Variants in TSPAN33 observed in about 807,000 individuals in gnomAD.
TSPAN33 encodes the protein tetraspanin-33.
A neutral mutation model predicts 34.8 loss-of-function variants in TSPAN33; 27 were observed. The ratio of observed to expected loss-of-function variants is 0.78; its 90% CI spans 0.57 to 1.07. The LOEUF is 1.07. Ranked by LOEUF, TSPAN33 falls within the 50% of genes least tolerant of loss-of-function variation. The pLI is 0.00. For missense variants in TSPAN33, 272 were observed against 324.9 expected, an observed-to-expected ratio of 0.84 and a Z score of 1.25; for synonymous variants, 119 against 124.2, an observed-to-expected ratio of 0.96 and a Z score of 0.28.
At chr7:129,162,096 G>A (rs1793063270) in intron 2 of TSPAN33, among the ~76,000 whole-genome samples, 1 of 152,252 alleles carries the variant, frequency 6.6e-6, no homozygotes, top group African/African-American at 2.4e-5. Context: ...AACAGAATCT[G>A]CAAAGCTGGT....
intron 1 of TSPAN33, among the ~76,000 whole-genome samples, chr7:129,149,915 C>T (rs565550479): frequency 1.3e-5 from 2 of 152,316 alleles, no homozygotes; most frequent in East Asian, 1.9e-4. Flanking sequence ...GTGAAGGTCA[C>T]GGGCAGGGAG....
Position 129,144,879 on chromosome 7 carries a change from CT to C in TSPAN33, c.-101del, listed in dbSNP as rs2150618214. ...GCAGGCTCCCCCGCCGGCCGGGCTCCTGCGCGGCGCGGCTCGGCTCATGCCC... is the reference window on the plus strand; with the variant it reads ...GCAGGCTCCCCCGCCGGCCGGGCTCCGCGCGGCGCGGCTCGGCTCATGCCC... On this transcript the variant is annotated 5_prime_UTR_variant, in exon 1 of 8. Coordinates refer to ENST00000486685, the MANE Select transcript of TSPAN33 (RefSeq NM_178562.5). 1 of 173,228 alleles carries C rather than the reference CT, an allele frequency of 5.8e-6. No individual in the cohort carries two copies. Among genetic ancestry groups the C allele is most frequent in the South Asian group, 1.9e-4 (1 of 5,306 alleles). 10.7% of individuals were successfully genotyped at this position (173,228 alleles called of 1,614,324 possible). A position where few individuals can be genotyped will look rare whatever the true frequency, so the allele number is the denominator to read the frequency against.
chr7:129,148,248 C>T lies in TSPAN33; in HGVS notation c.102+3166C>T, dbSNP rs866771499. Among the ~76,000 whole-genome samples, 3 of 152,216 alleles carry T rather than the reference C, an allele frequency of 2.0e-5. No individual in the cohort carries two copies. Among genetic ancestry groups the T allele is most frequent in the African/African-American group, 7.2e-5 (3 of 41,458 alleles). On this transcript the variant is annotated intron_variant, in intron 1 of 7. Coordinates refer to ENST00000486685, the MANE Select transcript of TSPAN33 (RefSeq NM_178562.5). This position sits in a 1 kb window ranked among gnomAD's most constrained non-coding sequence, Gnocchi z 4.2. ...TCAGGCAGAGCCCAGAAGCTCAGAC[C>T]TCCAGCCCCTGTGTCTCAGCCCAGG...
At position 129,167,330 on chromosome 7, in the gene TSPAN33, T is replaced by G; in HGVS notation, c.589-69T>G. 6.5e-7 allele frequency: 1 copy of G among 1,534,638 alleles called. No homozygotes were observed. The highest frequency in any genetic ancestry group is 2.3e-5 in the East Asian group (1 of 44,002). ...GAGTTTGGGAAGGGTGGGAAGCCCA[T>G]CAGCTAAGGCCCCAAACAAAAAGTT... On this transcript the variant is annotated intron_variant, in intron 6 of 7. Transcript: ENST00000486685. This position sits in a 1 kb window ranked among gnomAD's most constrained non-coding sequence, Gnocchi z 4.6.
chr7:129,161,868 G>C, intron 2 of TSPAN33, 132 bp downstream of exon 2: 5 of 1,081,972 alleles, frequency 4.6e-6, no homozygotes, highest in Non-Finnish European at 5.4e-6. Flanking sequence ...AATCTTCATG[G>C]TCTACGTAGG....
chr7:129,156,730 T>G (rs1364982495), intron 1 of TSPAN33, among the ~76,000 whole-genome samples: 1 of 152,206 alleles, frequency 6.6e-6, no homozygotes, highest in Non-Finnish European at 1.5e-5. Context: ...TGTTTCTTCG[T>G]GAGCATTTCC....
In TSPAN33 at chr7:129,162,431, C is replaced by A; in HGVS notation, c.198C>A (p.Ile66=). The A allele has an allele frequency of 6.2e-7, 1 of 1,613,926 alleles. No individual in the cohort carries two copies. Among genetic ancestry groups the A allele is most frequent in the Non-Finnish European group, 8.5e-7 (1 of 1,180,042 alleles). Residue 66 remains isoleucine, a synonymous_variant, in exon 3 of 8, where the codon ATC becomes ATA. Coordinates refer to ENST00000486685, the MANE Select transcript of TSPAN33 (RefSeq NM_178562.5). ...ALACLAVDPA[I]LLIVVGVLMF... ...CCTGCCTGGCAGTGGACCCTGCCAT[C>A]CTGCTGATCGTGGTGGGTGTCCTCA...
At chr7:129,166,722 G>A in intron 5 of TSPAN33, 56 bp from the exon 6 acceptor site, 2 of 1,596,106 alleles carry the variant, frequency 1.3e-6, no homozygotes, top group Non-Finnish European at 1.7e-6. Context: ...GAATTCCCCT[G>A]GTCACCTCAG....
At position 129,167,374 on chromosome 7, in the gene TSPAN33, A is replaced by T. The variant is rs769424327; in HGVS notation, c.589-25A>T. The T allele has an allele frequency of 6.3e-7, 1 of 1,599,916 alleles. No homozygotes were observed. On this transcript the variant is annotated intron_variant, in intron 6 of 7. Coordinates refer to ENST00000486685, the MANE Select transcript of TSPAN33 (RefSeq NM_178562.5). The surrounding 1 kb of genome is among the most constrained non-coding windows in gnomAD (Gnocchi z 4.6). ...AAAAGTTATTGGAATTACAGTCCCAATTGGCTTTTCAACTCTTTCCCCAGG... is the reference window on the plus strand; with the variant it reads ...AAAAGTTATTGGAATTACAGTCCCATTTGGCTTTTCAACTCTTTCCCCAGG...
chr7:129,146,778 A>C (rs60107606), intron 1 of TSPAN33, among the ~76,000 whole-genome samples: 14,367 of 152,172 alleles, frequency 0.094, 770 homozygotes, highest in East Asian at 0.13. Context: ...CAGTGACGTG[A>C]CATCCTCGGA....
intron 1 of TSPAN33, among the ~76,000 whole-genome samples, chr7:129,159,407 C>A (rs1430961702): frequency 3.3e-5 from 5 of 152,284 alleles, no homozygotes; most frequent in Admixed American, 6.5e-5. Flanking sequence ...AGGTTGATTC[C>A]ATGCCTTTGC....
At chr7:129,152,070 C>CA (rs1184098406) in intron 1 of TSPAN33, among the ~76,000 whole-genome samples, 1 of 152,040 alleles carries the variant, frequency 6.6e-6, no homozygotes, top group African/African-American at 2.4e-5. Context: ...TGTCAGTGTC[C>CA]AAAAAAATGT....
rs1393981177 is a variant in TSPAN33 at position 129,162,309 on chromosome 7, A to C, written c.161-85A>C. The C allele has an allele frequency of 5.7e-6, 9 of 1,573,534 alleles. No individual in the cohort carries two copies. In the East Asian group the frequency reaches 2.0e-4, roughly 35 times the overall value. On this transcript the variant is annotated intron_variant, in intron 2 of 7. Coordinates refer to ENST00000486685, the MANE Select transcript of TSPAN33 (RefSeq NM_178562.5). ...TGGAGATTCCCCCACCAGGGGAAGG[A>C]GAACAGTTTGGGGCACCCTCCCACC...
In TSPAN33 at chr7:129,144,954, C is replaced by G. The variant is rs917918140; in HGVS notation, c.-27C>G. The G allele has an allele frequency of 1.7e-6, 1 of 581,662 alleles. No homozygotes were observed. The highest frequency in any genetic ancestry group is 3.1e-6 in the Non-Finnish European group (1 of 323,470). 36.0% of individuals were successfully genotyped at this position (581,662 alleles called of 1,614,324 possible). ...GCCGGCAGCCGCTGGGAAATAGGCC[C>G]CCGGGGGCGGTGGCGGCGGCGGGGC... On this transcript the variant is annotated 5_prime_UTR_variant, in exon 1 of 8. Transcript: ENST00000486685.
intron 1 of TSPAN33, among the ~76,000 whole-genome samples, chr7:129,147,042 A>G (rs557991176): frequency 1.2e-3 from 182 of 151,176 alleles, no homozygotes; most frequent in African/African-American, 4.3e-3. Context: ...GTTTGGCTCC[A>G]CAGACCCATT....
chr7:129,167,362 A>AT lies in TSPAN33; in HGVS notation c.589-35dup, dbSNP rs1402050127. ...AGGCCCCAAACAAAAAGTTATTGGA[A>AT]TTACAGTCCCAATTGGCTTTTCAAC... is the stretch of plus-strand genomic sequence containing the variant. On this transcript the variant is annotated intron_variant, in intron 6 of 7. Transcript: ENST00000486685. This position sits in a 1 kb window ranked among gnomAD's most constrained non-coding sequence, Gnocchi z 4.6. 1 of 1,588,238 alleles carries AT rather than the reference A, an allele frequency of 6.3e-7. No homozygotes were observed.
rs147476815 is a variant in TSPAN33 at position 129,159,733 on chromosome 7, C to T, written c.103-1946C>T. Among the ~76,000 whole-genome samples the T allele has an allele frequency of 2.7e-3, 418 of 152,332 alleles. 2 individuals are homozygous for T. Among genetic ancestry groups the T allele is most frequent in the African/African-American group, 8.8e-3 (365 of 41,566 alleles). ...TAGTTTCCCTGCCTCCCCCATGCTC[C>T]GTGAGCCTGGCAGTGCTGTGGGACA... is the stretch of plus-strand genomic sequence containing the variant. On this transcript the variant is annotated intron_variant, in intron 1 of 7. Coordinates refer to ENST00000486685, the MANE Select transcript of TSPAN33 (RefSeq NM_178562.5).
In TSPAN33 at chr7:129,148,396, C is replaced by T. The variant is rs1490090422; in HGVS notation, c.102+3314C>T. ...TCTCCCCCTCTAGACTTCGGGCTCT[C>T]GAGGGTGGGCACGGCCCTATTCACT... On this transcript the variant is annotated intron_variant, in intron 1 of 7. Coordinates refer to ENST00000486685, the MANE Select transcript of TSPAN33 (RefSeq NM_178562.5). The surrounding 1 kb of genome is among the most constrained non-coding windows in gnomAD (Gnocchi z 4.2). Among the ~76,000 whole-genome samples, 1 of 152,166 alleles carries T rather than the reference C, an allele frequency of 6.6e-6. No individual in the cohort carries two copies. Among genetic ancestry groups the T allele is most frequent in the Non-Finnish European group, 1.5e-5 (1 of 68,038 alleles).
At chr7:129,160,111 T>TA (rs1793026272) in intron 1 of TSPAN33, among the ~76,000 whole-genome samples, 1 of 152,154 alleles carries the variant, frequency 6.6e-6, no homozygotes, top group East Asian at 1.9e-4. Flanking sequence ...TGGTTTTAGA[T>TA]AAAGGTTTGC....
Sources: gnomAD v4.1 joint callset for allele counts (sites outside exome capture counted in the v4.1 genomes callset) on GRCh38, gnomAD v4.1.1 for gene constraint, Gnocchi (gnomAD v3.1) non-coding constraint, MANE v1.5 for transcripts, NCBI Gene and HGNC (gene_info 2026-07-23, HGNC 2026-07-21) for gene names.